Variants in CACNA2D3 observed in about 807,000 individuals in gnomAD.
CACNA2D3 encodes calcium voltage-gated channel auxiliary subunit alpha2delta 3.
In CACNA2D3, 60 loss-of-function variants were observed where a neutral mutation model predicts 160.6. That is an observed-to-expected ratio of 0.37 (90% CI 0.30 to 0.46). The LOEUF is 0.46. Ranked by LOEUF, CACNA2D3 falls within the 20% of genes least tolerant of loss-of-function variation. CACNA2D3 has a pLI of 1.00. For missense variants in CACNA2D3, 1,205 were observed against 1,365.0 expected (o/e 0.88, Z 1.85); for synonymous variants, 558 against 492.9 (o/e 1.13, Z -1.75).
chr3:54,356,119 G>A (rs976453175), intron 3 of CACNA2D3, among the ~76,000 whole-genome samples: 1 of 149,708 alleles, frequency 6.7e-6, no homozygotes, highest in African/African-American at 2.4e-5. Context: ...GTGGGAGGGC[G>A]GGGACATTGG....
At chr3:54,870,778 C>T (rs138488761) in intron 17 of CACNA2D3, among the ~76,000 whole-genome samples, 109 of 152,294 alleles carry the variant, frequency 7.2e-4, no homozygotes, top group African/African-American at 2.5e-3. Context: ...GGTAAAGGAG[C>T]CATGCTTAGT....
intron 4 of CACNA2D3, among the ~76,000 whole-genome samples, chr3:54,450,359 A>G (rs1474156115): frequency 6.6e-6 from 1 of 152,156 alleles, no homozygotes; most frequent in African/African-American, 2.4e-5. Flanking sequence ...AACACATTCA[A>G]TCCCAACATC....
At chr3:54,600,872 C>G (rs1029240460) in intron 9 of CACNA2D3, among the ~76,000 whole-genome samples, 2 of 151,982 alleles carry the variant, frequency 1.3e-5, no homozygotes, top group Non-Finnish European at 1.5e-5. Context: ...TGTCATGACA[C>G]TCCCTGAACC....
intron 17 of CACNA2D3, among the ~76,000 whole-genome samples, chr3:54,866,843 C>T (rs1431444742): frequency 2.6e-5 from 4 of 152,194 alleles, no homozygotes; most frequent in African/African-American, 9.7e-5. Flanking sequence ...AGTGCCCTCT[C>T]GTCCCATCCT....
intron 5 of CACNA2D3, among the ~76,000 whole-genome samples, chr3:54,537,119 G>GAA (rs968404777): frequency 3.3e-5 from 5 of 152,050 alleles, no homozygotes; most frequent in Non-Finnish European, 7.4e-5. Context: ...GAGAGAGAGA[G>GAA]AGATGGAAGA....
intron 6 of CACNA2D3, among the ~76,000 whole-genome samples, chr3:54,563,418 G>T (rs747582646): frequency 2.0e-5 from 3 of 152,142 alleles, no homozygotes; most frequent in Non-Finnish European, 4.4e-5. Flanking sequence ...AAATGGCCCA[G>T]GCGTCGCTGA....
At chr3:55,034,524 A>G (rs944870170) in intron 35 of CACNA2D3, among the ~76,000 whole-genome samples, 1 of 152,072 alleles carries the variant, frequency 6.6e-6, no homozygotes, top group African/African-American at 2.4e-5. Context: ...TTTTCTCAAT[A>G]CAAAAGTAGT....
intron 5 of CACNA2D3, among the ~76,000 whole-genome samples, chr3:54,538,838 A>G (rs1451019928): frequency 1.3e-5 from 2 of 152,126 alleles, no homozygotes; most frequent in Non-Finnish European, 2.9e-5. Context: ...TCCATACTAT[A>G]TGTATGAATT....
intron 3 of CACNA2D3, among the ~76,000 whole-genome samples, chr3:54,363,493 A>G (rs1264218273): frequency 1.3e-5 from 2 of 152,136 alleles, no homozygotes; most frequent in African/African-American, 2.4e-5. Flanking sequence ...TGAGGTCTTT[A>G]ATAACTTCTT....
intron 27 of CACNA2D3, among the ~76,000 whole-genome samples, chr3:54,960,417 C>T (rs76497271): frequency 6.6e-6 from 1 of 152,150 alleles, no homozygotes; most frequent in Admixed American, 6.5e-5. Flanking sequence ...AATACCTCCT[C>T]CCCTTTTATC....
At chr3:54,731,619 A>G (rs1701388249) in intron 11 of CACNA2D3, among the ~76,000 whole-genome samples, 1 of 152,146 alleles carries the variant, frequency 6.6e-6, no homozygotes, top group African/African-American at 2.4e-5. Context: ...TGTCATGATG[A>G]AAGTAATAGT....
chr3:54,820,156 T>C (rs1703556738), intron 14 of CACNA2D3, among the ~76,000 whole-genome samples: 1 of 152,156 alleles, frequency 6.6e-6, no homozygotes, highest in Admixed American at 6.5e-5. Context: ...TTGTACCATA[T>C]GGTGTCTGCA....
At position 54,581,875 on chromosome 3, in the gene CACNA2D3, G is replaced by C; in HGVS notation, c.961G>C (p.Glu321Gln). Residue 321 changes from glutamate to glutamine, a missense_variant and splice_region_variant, in exon 9 of 38, where the codon GAG (glutamate) becomes CAG (glutamine). Physicochemically the swap from Glu to Gln is conservative, Grantham distance 29. Transcript: ENST00000474759. ...TLVQADRTNKEHFREHLDKLF... is the reference protein window; with the variant it reads ...TLVQADRTNKQHFREHLDKLF... Reference sequence around the variant, plus strand: ...GGTGCAAGCCGACAGGACAAACAAAGAGGTAGGGGCAGCTCGGGGGAGCAT... The same window carrying C: ...GGTGCAAGCCGACAGGACAAACAAACAGGTAGGGGCAGCTCGGGGGAGCAT... 1 of 1,613,760 alleles carries C rather than the reference G, an allele frequency of 6.2e-7. No individual in the cohort carries two copies. Among genetic ancestry groups the C allele is most frequent in the Non-Finnish European group, 8.5e-7 (1 of 1,179,752 alleles).
chr3:54,680,470 C>A (rs1700321301), intron 11 of CACNA2D3, among the ~76,000 whole-genome samples: 1 of 152,168 alleles, frequency 6.6e-6, no homozygotes. Flanking sequence ...CAACATGGCC[C>A]CTACCCCCAG....
intron 2 of CACNA2D3, among the ~76,000 whole-genome samples, chr3:54,130,438 G>A (rs891645707): frequency 2.6e-5 from 4 of 152,154 alleles, no homozygotes; most frequent in African/African-American, 9.7e-5. Context: ...TCTTTTCTGT[G>A]TGCATTTCCA....
At chr3:54,886,240 A>G (rs1427030075) in intron 23 of CACNA2D3, among the ~76,000 whole-genome samples, 2 of 152,172 alleles carry the variant, frequency 1.3e-5, no homozygotes, top group Admixed American at 6.5e-5. Flanking sequence ...CATGTATTCA[A>G]TGACCTGAAA....
chr3:54,940,599 G>A (rs777542251), intron 27 of CACNA2D3, among the ~76,000 whole-genome samples: 2 of 152,030 alleles, frequency 1.3e-5, no homozygotes, highest in Non-Finnish European at 2.9e-5. Flanking sequence ...CTTGCTACAG[G>A]CTACTCCCAA....
chr3:54,962,772 T>C (rs1282852347), intron 27 of CACNA2D3, among the ~76,000 whole-genome samples: 3 of 152,180 alleles, frequency 2.0e-5, no homozygotes, highest in African/African-American at 7.2e-5. Flanking sequence ...ATATATTGTA[T>C]GACTGGAGGG....
chr3:54,593,223 A>C (rs1354833518), intron 9 of CACNA2D3, among the ~76,000 whole-genome samples: 1 of 152,236 alleles, frequency 6.6e-6, no homozygotes, highest in Non-Finnish European at 1.5e-5. Flanking sequence ...TTCTAGATCC[A>C]GTATAATTTA....
Sources: gnomAD v4.1 joint callset for allele counts (sites outside exome capture counted in the v4.1 genomes callset) on GRCh38, gnomAD v4.1.1 for gene constraint, MANE v1.5 for transcripts, NCBI Gene and HGNC (gene_info 2026-07-23, HGNC 2026-07-21) for gene names.